PPP2R1B: variants seen among roughly 807,000 people sequenced by gnomAD.
PPP2R1B encodes serine/threonine-protein phosphatase 2A 65 kDa regulatory subunit A beta isoform.
PPP2R1B carries 58 observed loss-of-function variants against 72.7 expected under a neutral mutation model. The observed-to-expected ratio is 0.80, with a 90% CI of 0.65 to 0.99. PPP2R1B has a LOEUF of 0.99. Ranked by LOEUF, PPP2R1B falls within the 50% of genes least tolerant of loss-of-function variation. The probability of loss-of-function intolerance (pLI) is 0.00; values close to 1 mark genes in which losing one functional copy is unlikely to be tolerated. For missense variants in PPP2R1B, 695 were observed against 733.6 expected (o/e 0.95, Z 0.61); for synonymous variants, 256 against 264.6 (o/e 0.97, Z 0.32).
rs553972608 is a variant in PPP2R1B at position 111,741,067 on chromosome 11, G to C, written c.*529C>G. ...GCTTCCACATTCCCCTTTCACATGA[G>C]ACTAATGCAGACCATCATAATTCAG... On this transcript the variant is annotated 3_prime_UTR_variant, in exon 15 of 15. Coordinates refer to ENST00000527614, the MANE Select transcript of PPP2R1B (RefSeq NM_002716.5). The C allele has an allele frequency of 1.0e-6, 1 of 986,978 alleles. No individual in the cohort carries two copies. The highest frequency in any genetic ancestry group is 1.2e-6 in the Non-Finnish European group (1 of 830,778). The allele number at this position is 986,978 out of a possible 1,614,324, so 61.1% of individuals were successfully genotyped here.
Position 111,739,534 on chromosome 11 carries a change from A to C in PPP2R1B, c.*2062T>G. On this transcript the variant is annotated 3_prime_UTR_variant, in exon 15 of 15. Coordinates refer to ENST00000527614, the MANE Select transcript of PPP2R1B (RefSeq NM_002716.5). ...CTGAACCCCCGACCCATGCTTGAGAAAGCCAGGGCCCACTCTCCCTCTCTC... is the reference window on the plus strand; with the variant it reads ...CTGAACCCCCGACCCATGCTTGAGACAGCCAGGGCCCACTCTCCCTCTCTC... 1.0e-6 allele frequency: 1 copy of C among 985,450 alleles called. No individual in the cohort carries two copies. Among genetic ancestry groups the C allele is most frequent in the South Asian group, 4.7e-5 (1 of 21,292 alleles). The allele number at this position is 985,450 out of a possible 1,614,324, so 61.0% of individuals were successfully genotyped here.
Position 111,738,283 on chromosome 11 carries a change from C to G in PPP2R1B, c.*3313G>C. The stretch of plus-strand genomic sequence containing the variant: ...ATAAGAAGCTTTACGATAAGAGTGT[C>G]ACCATTTTTAAAAGTCAGAGGAATT... On this transcript the variant is annotated 3_prime_UTR_variant, in exon 15 of 15. Coordinates refer to ENST00000527614, the MANE Select transcript of PPP2R1B (RefSeq NM_002716.5). 1.0e-5 allele frequency: 10 copies of G among 985,444 alleles called. No individual in the cohort carries two copies. Among genetic ancestry groups the G allele is most frequent in the Non-Finnish European group, 1.2e-5 (10 of 829,982 alleles). 61.0% of individuals were successfully genotyped at this position (985,444 alleles called of 1,614,324 possible).
At chr11:111,705,559 G>T in the PPP2R1B span, among the ~76,000 whole-genome samples, 1 of 152,136 alleles carries the variant, frequency 6.6e-6, no homozygotes, top group Non-Finnish European at 1.5e-5. The surrounding 1 kb of genome is among the most constrained non-coding windows in gnomAD (Gnocchi z 4.3). Flanking sequence ...ATTCAAAATA[G>T]GGAAAGATGA....
chr11:111,729,177 A>G (rs1944096732), intron 15 of PPP2R1B: 1 of 152,236 alleles, frequency 6.6e-6, no homozygotes, highest in Non-Finnish European at 1.5e-5. Flanking sequence ...AGCTGATTCT[A>G]GAAGACAGCC....
At chr11:111,764,740 C>A in intron 3 of PPP2R1B, 65 bp downstream of exon 3, 2 of 1,515,614 alleles carry the variant, frequency 1.3e-6, no homozygotes, top group South Asian at 2.3e-5. Flanking sequence ...TGTCTATCAC[C>A]AAACAATGTA....
At chr11:111,719,865 G>A in the PPP2R1B span, 1 of 1,614,138 alleles carries the variant, frequency 6.2e-7, no homozygotes. Context: ...GACCTCCATT[G>A]ACGAAGGGCT....
At chr11:111,729,303 C>T (rs1178127482) in intron 15 of PPP2R1B, 1 of 152,280 alleles carries the variant, frequency 6.6e-6, no homozygotes, top group Non-Finnish European at 1.5e-5. Flanking sequence ...GCAGTGCTCG[C>T]AGACCCACCC....
chr11:111,725,458 A>T (rs997458683), downstream of PPP2R1B: 1 of 152,570 alleles, frequency 6.6e-6, no homozygotes, highest in African/African-American at 2.4e-5. Flanking sequence ...AAGTAAGTAA[A>T]AATTAGATGC....
chr11:111,736,301 G>A (rs985437320), downstream of PPP2R1B, among the ~76,000 whole-genome samples: 5 of 152,230 alleles, frequency 3.3e-5, no homozygotes, highest in Admixed American at 3.3e-4. Context: ...TGGGAGGGCC[G>A]CCTCAATGAT....
At chr11:111,717,251 G>A in the PPP2R1B span, among the ~76,000 whole-genome samples, 21 of 129,066 alleles carry the variant, frequency 1.6e-4, no homozygotes, top group African/African-American at 5.8e-4. Flanking sequence ...GGGAGGCAGA[G>A]CTTGCAGTGA....
At chr11:111,764,630 AAAG>A (rs1396512785) in intron 3 of PPP2R1B, among the ~76,000 whole-genome samples, 172 bp downstream of exon 3, 8 of 152,144 alleles carry the variant, frequency 5.3e-5, no homozygotes, top group South Asian at 2.1e-4. Flanking sequence ...GAAAAAAAAA[AAAG>A]GAGTTGAGTG....
chr11:111,748,164 C>CAAA, intron 10 of PPP2R1B, 150 bp from the exon 11 acceptor site: 1 of 655,012 alleles, frequency 1.5e-6, no homozygotes, highest in Non-Finnish European at 2.6e-6. Flanking sequence ...GAATTACAAA[C>CAAA]AAACCATAAA....
At chr11:111,707,067 G>C in the PPP2R1B span, among the ~76,000 whole-genome samples, 1 of 151,806 alleles carries the variant, frequency 6.6e-6, no homozygotes, top group African/African-American at 2.4e-5. Flanking sequence ...GGAAATCTTC[G>C]AAGTTGAATG....
At chr11:111,696,280 C>A in the PPP2R1B span, among the ~76,000 whole-genome samples, 4 of 152,056 alleles carry the variant, frequency 2.6e-5, no homozygotes, top group Non-Finnish European at 5.9e-5. Context: ...AATGTTAAGT[C>A]TGTAGTTTAA....
chr11:111,716,512 G>T, the PPP2R1B span, among the ~76,000 whole-genome samples: 1 of 152,154 alleles, frequency 6.6e-6, no homozygotes, highest in East Asian at 1.9e-4. Context: ...GGGAGATGGA[G>T]GTTGCAGTGA....
chr11:111,719,990 G>A, the PPP2R1B span: 1 of 1,613,674 alleles, frequency 6.2e-7, no homozygotes, highest in Non-Finnish European at 8.5e-7. Flanking sequence ...AACTGGTCGT[G>A]ATGCCTGGGG....
At chr11:111,761,301 A>G (rs1450732126) in intron 3 of PPP2R1B, 1 of 621,808 alleles carries the variant, frequency 1.6e-6, no homozygotes, top group African/African-American at 1.8e-5. Context: ...TCTACAAATG[A>G]CACAGTGTAA....
In PPP2R1B at chr11:111,766,243, A is replaced by G. The variant is rs1555053106; in HGVS notation, c.114+5T>C. 3 of 1,613,606 alleles carry G rather than the reference A, an allele frequency of 1.9e-6. No individual in the cohort carries two copies. Among genetic ancestry groups the G allele is most frequent in the East Asian group, 2.2e-5 (1 of 44,888 alleles). On this transcript the variant is annotated splice_donor_5th_base_variant and intron_variant, in intron 1 of 14. Coordinates refer to ENST00000527614, the MANE Select transcript of PPP2R1B (RefSeq NM_002716.5). ...CGCCTCGGGTCCCCGGCCTCAGTCC[A>G]GTACCTGCACGTCTTCATTGCGGAG...
downstream of PPP2R1B, chr11:111,725,648 G>A (rs143801975): frequency 6.5e-6 from 1 of 152,796 alleles, no homozygotes; most frequent in East Asian, 1.9e-4. Flanking sequence ...AGCACAAAGA[G>A]AGGGACTAAC....
Sources: gnomAD v4.1 joint callset for allele counts (sites outside exome capture counted in the v4.1 genomes callset) on GRCh38, gnomAD v4.1.1 for gene constraint, Gnocchi (gnomAD v3.1) non-coding constraint, MANE v1.5 for transcripts, NCBI Gene and HGNC (gene_info 2026-07-23, HGNC 2026-07-21) for gene names.